NRXN1: variants seen among roughly 807,000 people sequenced by gnomAD.
NRXN1 encodes the protein neurexin 1.
NRXN1 carries 39 observed loss-of-function variants against 150.9 expected under a neutral mutation model. The observed-to-expected ratio is 0.26, with a 90% confidence interval of 0.20 to 0.34. NRXN1 has a LOEUF of 0.34. Among genes scored for constraint, NRXN1 ranks in the 10% least tolerant of loss-of-function variants. NRXN1 has a pLI of 1.00. For missense variants in NRXN1, 1,815 were observed against 1,949.9 expected, an observed-to-expected ratio of 0.93 and a Z score of 1.30; for synonymous variants, 924 against 757.0, an observed-to-expected ratio of 1.22 and a Z score of -3.62.
intron 2 of NRXN1, among the ~76,000 whole-genome samples, chr2:50,942,234 G>C (rs1175012014): frequency 6.6e-6 from 1 of 152,188 alleles, no homozygotes; most frequent in Non-Finnish European, 1.5e-5. Flanking sequence ...GGAAACACCT[G>C]GATGTCCAGG....
intron 17 of NRXN1, among the ~76,000 whole-genome samples, chr2:50,323,593 A>ATATATATATATAT (rs1558525123): frequency 6.7e-6 from 1 of 149,646 alleles, no homozygotes; most frequent in African/African-American, 2.5e-5. Context: ...ATATATATAT[A>ATATATATATATAT]ACTTAGCAGA....
chr2:50,894,166 C>A (rs1409427825), intron 5 of NRXN1, among the ~76,000 whole-genome samples: 4 of 151,498 alleles, frequency 2.6e-5, no homozygotes, highest in Non-Finnish European at 5.9e-5. Context: ...GTGCAGCGCA[C>A]CAGCATGGCA....
At chr2:50,597,051 C>A (rs1001804782) in intron 8 of NRXN1, among the ~76,000 whole-genome samples, 8 of 151,886 alleles carry the variant, frequency 5.3e-5, no homozygotes, top group Non-Finnish European at 1.0e-4. Context: ...TGGGGTTTCA[C>A]CAGGCTGATC....
At chr2:50,137,759 T>C (rs1706642364) in intron 18 of NRXN1, among the ~76,000 whole-genome samples, 2 of 152,192 alleles carry the variant, frequency 1.3e-5, no homozygotes, top group African/African-American at 4.8e-5. Flanking sequence ...GTAAAAGATA[T>C]GGTAGGATGT....
At chr2:50,317,197 G>A (rs189900972) in intron 17 of NRXN1, among the ~76,000 whole-genome samples, 2 of 152,018 alleles carry the variant, frequency 1.3e-5, no homozygotes, top group East Asian at 3.9e-4. Context: ...AGAGGGGAAA[G>A]AGAATGGACA....
intron 5 of NRXN1, among the ~76,000 whole-genome samples, chr2:50,885,598 GT>G (rs1680114037): frequency 6.6e-6 from 1 of 151,352 alleles, no homozygotes; most frequent in Non-Finnish European, 1.5e-5. Flanking sequence ...GAATGAAAAT[GT>G]AAAAATGAAG....
At position 50,742,268 on chromosome 2, in the gene NRXN1, T is replaced by TATATATATATAC. The variant is rs535775894; in HGVS notation, c.833-118654_833-118653insGTATATATATAT. Among the ~76,000 whole-genome samples the TATATATATATAC allele has an allele frequency of 8.5e-3, 1,287 of 151,770 alleles. 11 individuals carry two copies. The highest frequency in any genetic ancestry group is 0.027 in the Middle Eastern group (8 of 294). On this transcript the variant is annotated intron_variant, in intron 5 of 22. Transcript: ENST00000401669. ...TATATAAATGCAATATTTACATATA[T>TATATATATATAC]ATATATATACTCTTTTTTCTTTTCT...
chr2:50,897,963 T>C (rs952805491), intron 5 of NRXN1, among the ~76,000 whole-genome samples: 2 of 152,190 alleles, frequency 1.3e-5, no homozygotes, highest in African/African-American at 2.4e-5. Flanking sequence ...TCAGAATGGA[T>C]TGAATAATCA....
At chr2:50,820,896 G>A (rs1045485729) in intron 5 of NRXN1, among the ~76,000 whole-genome samples, 4 of 152,160 alleles carry the variant, frequency 2.6e-5, no homozygotes, top group Non-Finnish European at 4.4e-5. Flanking sequence ...AGATTATGGA[G>A]AGGATAGGGA....
At chr2:51,006,116 T>C (rs1700685940) in intron 2 of NRXN1, among the ~76,000 whole-genome samples, 1 of 151,940 alleles carries the variant, frequency 6.6e-6, no homozygotes, top group East Asian at 2.0e-4. Flanking sequence ...CTATTGCCAG[T>C]CATTGACATT....
intron 17 of NRXN1, among the ~76,000 whole-genome samples, chr2:50,451,439 T>TA (rs2086956100): frequency 1.3e-5 from 2 of 152,202 alleles, no homozygotes; most frequent in Non-Finnish European, 2.9e-5. Context: ...TTTTTGAAGG[T>TA]ATAGCTCTTC....
chr2:50,049,923 AG>A (rs1274359252), intron 21 of NRXN1, among the ~76,000 whole-genome samples: 1 of 152,052 alleles, frequency 6.6e-6, no homozygotes, highest in Non-Finnish European at 1.5e-5. Flanking sequence ...TCATAAAATC[AG>A]GAGGCCTTAT....
At chr2:50,415,637 C>A (rs768009615) in intron 17 of NRXN1, among the ~76,000 whole-genome samples, 2 of 152,080 alleles carry the variant, frequency 1.3e-5, no homozygotes, top group Non-Finnish European at 2.9e-5. Flanking sequence ...GTCTTAACCA[C>A]CATTTACATT....
chr2:50,787,301 T>G (rs567303612), intron 5 of NRXN1, among the ~76,000 whole-genome samples: 1 of 152,166 alleles, frequency 6.6e-6, no homozygotes, highest in African/African-American at 2.4e-5. Context: ...GGCTCATGCC[T>G]GTAATCCCAA....
At position 50,767,806 on chromosome 2, in the gene NRXN1, AT is replaced by A. The variant is rs570060100; in HGVS notation, c.833-144192del. ...TTATATAGCTAATAAAAATAAGGAC[AT>A]TATTAATTATTTTTTAAATTACATT... On this transcript the variant is annotated intron_variant, in intron 5 of 22. Transcript: ENST00000401669. 3.1e-3 allele frequency among the ~76,000 whole-genome samples: 473 copies of A among 152,210 alleles called. 4 individuals are homozygous for A. Among genetic ancestry groups the A allele is most frequent in the Admixed American group, 8.1e-3 (123 of 15,262 alleles).
chr2:49,947,514 CTTTTTTTTTTTTTTTTT>C (rs1261871668), intron 21 of NRXN1, among the ~76,000 whole-genome samples: 8 of 109,006 alleles, frequency 7.3e-5, no homozygotes, highest in African/African-American at 2.3e-4. Flanking sequence ...TTTTTTTTTT[CTTTTTTTTTTTTTTTTT>C]GTAGAGATAA....
At chr2:50,579,205 G>A (rs779545230) in intron 8 of NRXN1, among the ~76,000 whole-genome samples, 1 of 152,180 alleles carries the variant, frequency 6.6e-6, no homozygotes, top group South Asian at 2.1e-4. Context: ...TGGGCTACAG[G>A]ACCAGGAGGA....
At chr2:50,054,919 AT>A (rs1388603163) in intron 20 of NRXN1, 35 bp downstream of exon 20, 5 of 1,372,038 alleles carry the variant, frequency 3.6e-6, no homozygotes, top group East Asian at 5.2e-5. Flanking sequence ...TGTTCAAATT[AT>A]TTTTTTATTT....
rs2091580662 is a variant in NRXN1 at position 50,495,897 on chromosome 2, G to C, written c.3070+8C>G. 1.3e-6 allele frequency: 2 copies of C among 1,582,740 alleles called. No homozygotes were observed. The highest frequency in any genetic ancestry group is 1.7e-6 in the Non-Finnish European group (2 of 1,163,912). ...AAGGCTCGTTGCTCTGACTTAACATGCACTTACTCTTGAGGTCTAAGTTCC... is the reference window on the plus strand; with the variant it reads ...AAGGCTCGTTGCTCTGACTTAACATCCACTTACTCTTGAGGTCTAAGTTCC... On this transcript the variant is annotated splice_region_variant and intron_variant, in intron 15 of 22. Transcript: ENST00000401669.
Sources: gnomAD v4.1 joint callset for allele counts (sites outside exome capture counted in the v4.1 genomes callset) on GRCh38, gnomAD v4.1.1 for gene constraint, MANE v1.5 for transcripts, NCBI Gene and HGNC (gene_info 2026-07-23, HGNC 2026-07-21) for gene names.